Variants in SCAPER observed in about 807,000 individuals in gnomAD.
SCAPER encodes S-phase cyclin A associated protein in the ER, also known as S phase cyclin A-associated protein in the endoplasmic reticulum.
SCAPER carries 98 observed loss-of-function variants against 182.2 expected under a neutral mutation model. The ratio of observed to expected loss-of-function variants is 0.54; its 90% CI spans 0.46 to 0.64. The LOEUF (loss-of-function observed/expected upper bound fraction) is 0.64. SCAPER is among the 30% of genes least tolerant of loss of function. The probability of loss-of-function intolerance (pLI) is 0.00; values close to 1 mark genes in which losing one functional copy is unlikely to be tolerated. For synonymous variants in SCAPER, 605 were observed against 564.6 expected, an observed-to-expected ratio of 1.07 and a Z score of -1.01; for missense variants, 1,432 against 1,690.0, an observed-to-expected ratio of 0.85 and a Z score of 2.68.
intron 17 of SCAPER, among the ~76,000 whole-genome samples, chr15:76,722,719 G>T (rs538206201): frequency 2.6e-5 from 4 of 152,168 alleles, no homozygotes; most frequent in Non-Finnish European, 5.9e-5. Context: ...TTGCATAGAG[G>T]TGTTTATAGT....
chr15:76,706,026 G>T, intron 17 of SCAPER, 42 bp from the exon 18 acceptor site: 1 of 1,444,740 alleles, frequency 6.9e-7, no homozygotes, highest in Non-Finnish European at 9.3e-7. Flanking sequence ...ACTGCTTAAA[G>T]TAACAAATCT....
chr15:76,686,752 T>C (rs1446800584), intron 20 of SCAPER, among the ~76,000 whole-genome samples: 1 of 152,096 alleles, frequency 6.6e-6, no homozygotes, highest in Non-Finnish European at 1.5e-5. Flanking sequence ...ATTGGATGAA[T>C]ATAAGCATTA....
chr15:76,802,842 T>G (rs1441656746), intron 6 of SCAPER, among the ~76,000 whole-genome samples: 1 of 152,214 alleles, frequency 6.6e-6, no homozygotes, highest in Admixed American at 6.5e-5. Context: ...CCATATGACT[T>G]GGCAAGTTTA....
At chr15:76,832,605 T>C (rs145347774) in intron 5 of SCAPER, among the ~76,000 whole-genome samples, 734 of 152,240 alleles carry the variant, frequency 4.8e-3, no homozygotes, top group Non-Finnish European at 8.3e-3. Flanking sequence ...TCAAGTTCAA[T>C]TGTAATCCCC....
chr15:76,459,725 T>A (rs527563385), intron 25 of SCAPER, among the ~76,000 whole-genome samples: 1 of 152,254 alleles, frequency 6.6e-6, no homozygotes, highest in South Asian at 2.1e-4. Flanking sequence ...ACTTTTGAGG[T>A]CTTAGCTATA....
At chr15:76,820,219 C>T (rs904788337) in intron 5 of SCAPER, among the ~76,000 whole-genome samples, 12 of 152,126 alleles carry the variant, frequency 7.9e-5, no homozygotes, top group African/African-American at 2.9e-4. Flanking sequence ...TACCATTTGA[C>T]CCAGCCATCC....
intron 25 of SCAPER, among the ~76,000 whole-genome samples, chr15:76,454,534 T>G (rs2048587966): frequency 6.6e-6 from 1 of 152,218 alleles, no homozygotes; most frequent in Non-Finnish European, 1.5e-5. Flanking sequence ...TTTTATTACA[T>G]AAATGTGTCC....
At chr15:76,793,706 G>C (rs532274711) in intron 8 of SCAPER, among the ~76,000 whole-genome samples, 4 of 152,296 alleles carry the variant, frequency 2.6e-5, no homozygotes, top group South Asian at 4.1e-4. Flanking sequence ...ATAATAAACT[G>C]ATAAATGTGT....
chr15:76,684,235 A>G (rs2057901507), intron 20 of SCAPER, among the ~76,000 whole-genome samples: 1 of 152,192 alleles, frequency 6.6e-6, no homozygotes, highest in South Asian at 2.1e-4. Context: ...TCTGAATGGT[A>G]TAAATGTCCC....
At chr15:76,867,185 T>C (rs548099840) in intron 2 of SCAPER, among the ~76,000 whole-genome samples, 20 of 152,216 alleles carry the variant, frequency 1.3e-4, no homozygotes, top group Non-Finnish European at 2.9e-4. Context: ...TTACTAAATG[T>C]CTATGTATCT....
chr15:76,471,073 T>C, intron 25 of SCAPER, 139 bp downstream of exon 25: 1 of 821,832 alleles, frequency 1.2e-6, no homozygotes, highest in Non-Finnish European at 1.7e-6. Context: ...CTCACAGTCA[T>C]CTTCACTTTC....
chr15:76,389,726 G>T (rs922195806), intron 27 of SCAPER, among the ~76,000 whole-genome samples: 2 of 148,956 alleles, frequency 1.3e-5, no homozygotes, highest in Non-Finnish European at 3.0e-5. Context: ...GCTAAGGCAG[G>T]AGAATGGCGT....
intron 21 of SCAPER, among the ~76,000 whole-genome samples, chr15:76,663,353 C>T (rs1488674620): frequency 1.3e-5 from 2 of 152,062 alleles, no homozygotes; most frequent in Non-Finnish European, 2.9e-5. Flanking sequence ...AATGGCACAA[C>T]TACTATGGAA....
intron 4 of SCAPER, among the ~76,000 whole-genome samples, chr15:76,848,826 T>C (rs888915152): frequency 1.3e-5 from 2 of 151,794 alleles, no homozygotes; most frequent in Non-Finnish European, 2.9e-5. Context: ...CAGACAGGAG[T>C]GCAGCCCCTC....
intron 2 of SCAPER, among the ~76,000 whole-genome samples, chr15:76,879,509 G>C (rs1027617924): frequency 7.2e-5 from 11 of 152,044 alleles, no homozygotes; most frequent in Non-Finnish European, 1.6e-4. Context: ...CATATGTTAG[G>C]GAATATACAG....
chr15:76,391,790 A>C (rs2043717619), intron 27 of SCAPER, among the ~76,000 whole-genome samples: 1 of 152,194 alleles, frequency 6.6e-6, no homozygotes, highest in Admixed American at 6.5e-5. Flanking sequence ...CTAGGTAAAT[A>C]CTTTTAACTC....
chr15:76,680,625 G>C (rs2057649644), intron 20 of SCAPER, among the ~76,000 whole-genome samples: 1 of 151,980 alleles, frequency 6.6e-6, no homozygotes, highest in Admixed American at 6.6e-5. Context: ...GCCCTTCCTT[G>C]GTGGAGCGGT....
chr15:76,847,065 G>T (rs1407960178), intron 4 of SCAPER, among the ~76,000 whole-genome samples: 1 of 152,106 alleles, frequency 6.6e-6, no homozygotes, highest in Non-Finnish European at 1.5e-5. Flanking sequence ...GGAACTGGAG[G>T]TCCTTACGTA....
intron 8 of SCAPER, among the ~76,000 whole-genome samples, chr15:76,780,622 T>C (rs2064063257): frequency 6.6e-6 from 1 of 152,176 alleles, no homozygotes; most frequent in Non-Finnish European, 1.5e-5. Flanking sequence ...GATACCTCCC[T>C]GTAGGGGCCA....
Sources: gnomAD v4.1 joint callset for allele counts (sites outside exome capture counted in the v4.1 genomes callset) on GRCh38, gnomAD v4.1.1 for gene constraint, MANE v1.5 for transcripts, NCBI Gene and HGNC (gene_info 2026-07-23, HGNC 2026-07-21) for gene names.